PPM1L: variants seen among roughly 807,000 people sequenced by gnomAD.
PPM1L encodes the protein protein phosphatase, Mg2+/Mn2+ dependent 1L, also known as protein phosphatase 1L.
In PPM1L, 13 loss-of-function variants were observed where a neutral mutation model predicts 31.4. The observed-to-expected ratio is 0.41, with a 90% CI of 0.27 to 0.66. The LOEUF (loss-of-function observed/expected upper bound fraction) is 0.66, where lower values mean the gene tolerates loss of function less well. Ranked by LOEUF, PPM1L falls within the 30% of genes least tolerant of loss-of-function variation. The probability of loss-of-function intolerance (pLI) is 0.29; values close to 1 mark genes in which losing one functional copy is unlikely to be tolerated. For missense variants in PPM1L, 326 were observed against 453.7 expected (o/e 0.72, Z 2.56); for synonymous variants, 184 against 175.4 (o/e 1.05, Z -0.39).
intron 2 of PPM1L, among the ~76,000 whole-genome samples, chr3:161,031,665 A>T (rs185034522): frequency 6.6e-6 from 1 of 151,744 alleles, no homozygotes; most frequent in East Asian, 1.9e-4. Context: ...ATGCCTGGAT[A>T]ATTTTTTAAA....
intron 1 of PPM1L, among the ~76,000 whole-genome samples, chr3:160,856,675 G>T (rs1711715629): frequency 6.6e-6 from 1 of 152,058 alleles, no homozygotes; most frequent in East Asian, 1.9e-4. Flanking sequence ...TGGGAGGAGG[G>T]TGAGGATTGA....
intron 2 of PPM1L, among the ~76,000 whole-genome samples, chr3:161,064,985 TGAG>T (rs1211712429): frequency 6.6e-6 from 1 of 151,912 alleles, no homozygotes; most frequent in Non-Finnish European, 1.5e-5. Context: ...CTCCTAGAAA[TGAG>T]GAGCCCACCG....
chr3:160,803,322 T>G (rs1712489905), intron 1 of PPM1L, among the ~76,000 whole-genome samples: 1 of 152,250 alleles, frequency 6.6e-6, no homozygotes, highest in Non-Finnish European at 1.5e-5. Context: ...CAAAATTATT[T>G]TCTCTGAATA....
chr3:161,043,040 A>AC (rs1718956452), intron 2 of PPM1L, among the ~76,000 whole-genome samples: 1 of 104,128 alleles, frequency 9.6e-6, no homozygotes, highest in Non-Finnish European at 1.9e-5. Context: ...AAAAATTGTT[A>AC]TTTTTTTTTT....
intron 1 of PPM1L, among the ~76,000 whole-genome samples, chr3:160,850,101 C>T (rs1235365351): frequency 6.6e-6 from 1 of 152,184 alleles, no homozygotes; most frequent in Non-Finnish European, 1.5e-5. Context: ...ACACTCCTCA[C>T]CTACGGCTAT....
chr3:161,042,089 C>G (rs969298540), intron 2 of PPM1L, among the ~76,000 whole-genome samples: 1 of 152,168 alleles, frequency 6.6e-6, no homozygotes, highest in African/African-American at 2.4e-5. Flanking sequence ...TGGCTAACTC[C>G]CCATTCATCA....
At chr3:161,045,271 C>A (rs1162675658) in intron 2 of PPM1L, among the ~76,000 whole-genome samples, 3 of 152,206 alleles carry the variant, frequency 2.0e-5, no homozygotes, top group African/African-American at 7.2e-5. Context: ...ACCAATGGAC[C>A]TGATAGACAT....
intron 2 of PPM1L, among the ~76,000 whole-genome samples, chr3:161,012,064 A>T (rs1364134213): frequency 1.3e-5 from 2 of 152,056 alleles, no homozygotes; most frequent in Non-Finnish European, 2.9e-5. Flanking sequence ...GTTGAATAGG[A>T]GTGGTGAGAG....
chr3:160,979,654 G>A (rs1530636), intron 2 of PPM1L, among the ~76,000 whole-genome samples: 72,039 of 151,786 alleles, frequency 0.47, 18,596 homozygotes, highest in East Asian at 0.7. Context: ...TGGGAATGAG[G>A]AATTGAGGAA....
At chr3:161,055,390 G>T in intron 2 of PPM1L, among the ~76,000 whole-genome samples, 1 of 152,150 alleles carries the variant, frequency 6.6e-6, no homozygotes, top group South Asian at 2.1e-4. Context: ...TGTGGAAGGT[G>T]GGGGCTGGAA....
chr3:160,924,204 A>C (rs1230329677), intron 1 of PPM1L, among the ~76,000 whole-genome samples: 1 of 152,084 alleles, frequency 6.6e-6, no homozygotes. Flanking sequence ...TGGAATTGTC[A>C]GTCAGTTGCT....
At chr3:161,059,171 G>A (rs888869753) in intron 2 of PPM1L, among the ~76,000 whole-genome samples, 1 of 152,132 alleles carries the variant, frequency 6.6e-6, no homozygotes, top group Non-Finnish European at 1.5e-5. Context: ...TCCTCATAAT[G>A]ACCACTGTAA....
Position 160,915,232 on chromosome 3 carries a change from G to A in PPM1L, c.400-46504G>A, listed in dbSNP as rs556522937. On this transcript the variant is annotated intron_variant, in intron 1 of 3. Coordinates refer to ENST00000498165, the MANE Select transcript of PPM1L (RefSeq NM_139245.4). The stretch of plus-strand genomic sequence containing the variant: ...AAGTCTCAGGATACAAAATCAATGT[G>A]CAAAAATCACGAGCATTCTTATACT... Among the ~76,000 whole-genome samples the A allele has an allele frequency of 3.9e-4, 59 of 152,198 alleles. No homozygotes were observed. The East Asian group carries it at 8.3e-3, about 21-fold the overall frequency.
At chr3:160,951,688 G>T (rs183301715) in intron 1 of PPM1L, among the ~76,000 whole-genome samples, 2 of 152,272 alleles carry the variant, frequency 1.3e-5, no homozygotes, top group East Asian at 3.9e-4. Flanking sequence ...TTAGATGACT[G>T]ATAAAGTTAT....
At chr3:160,789,833 T>A (rs1712048934) in intron 1 of PPM1L, among the ~76,000 whole-genome samples, 1 of 152,086 alleles carries the variant, frequency 6.6e-6, no homozygotes, top group African/African-American at 2.4e-5. Flanking sequence ...TAGTCTTCCC[T>A]TGGTATCTGC....
intron 1 of PPM1L, among the ~76,000 whole-genome samples, chr3:160,864,930 G>T (rs1300167038): frequency 6.6e-6 from 1 of 152,190 alleles, no homozygotes; most frequent in South Asian, 2.1e-4. Flanking sequence ...TCAGATAAAA[G>T]TCCAACACTT....
intron 1 of PPM1L, among the ~76,000 whole-genome samples, chr3:160,798,005 C>A (rs1279070518): frequency 6.6e-6 from 1 of 152,076 alleles, no homozygotes; most frequent in Admixed American, 6.6e-5. Context: ...TGGTGAAACC[C>A]CGTCTCTACT....
chr3:160,763,428 G>C (rs1715020625), intron 1 of PPM1L, among the ~76,000 whole-genome samples: 1 of 152,154 alleles, frequency 6.6e-6, no homozygotes, highest in South Asian at 2.1e-4. Flanking sequence ...TTTCTAGCTA[G>C]TTTAAAAAAA....
intron 1 of PPM1L, among the ~76,000 whole-genome samples, chr3:160,950,777 T>G (rs1232989851): frequency 1.3e-5 from 2 of 152,244 alleles, no homozygotes; most frequent in Non-Finnish European, 2.9e-5. Flanking sequence ...GAGTTCTTTT[T>G]GATTAATAAC....
Sources: gnomAD v4.1 joint callset for allele counts (sites outside exome capture counted in the v4.1 genomes callset) on GRCh38, gnomAD v4.1.1 for gene constraint, MANE v1.5 for transcripts, NCBI Gene and HGNC (gene_info 2026-07-23, HGNC 2026-07-21) for gene names.